Variants in SGCD observed in about 807,000 individuals in gnomAD.
SGCD encodes sarcoglycan delta.
A neutral mutation model predicts 36.6 loss-of-function variants in SGCD; 18 were observed. That is an observed-to-expected ratio of 0.49 (90% CI 0.34 to 0.73). The LOEUF (loss-of-function observed/expected upper bound fraction) is 0.73. Ranked by LOEUF, SGCD falls within the 30% of genes least tolerant of loss-of-function variation. The pLI is 0.01. For synonymous variants in SGCD, 133 were observed against 130.6 expected (o/e 1.02, Z -0.12); for missense variants, 387 against 346.7 (o/e 1.12, Z -0.92).
At chr5:156,630,234 CTG>C (rs1762582808) in intron 6 of SGCD, among the ~76,000 whole-genome samples, 2 of 152,244 alleles carry the variant, frequency 1.3e-5, no homozygotes, top group South Asian at 4.1e-4. Context: ...GAAATCTAAA[CTG>C]TGAGAGGTAT....
At chr5:156,254,341 A>G (rs1156755597) in intron 3 of SGCD, among the ~76,000 whole-genome samples, 2 of 152,200 alleles carry the variant, frequency 1.3e-5, no homozygotes, top group Non-Finnish European at 1.5e-5. Context: ...GTCATTTAAC[A>G]TTAGGTATAT....
At chr5:155,999,894 G>T (rs1452065915) in intron 1 of SGCD, among the ~76,000 whole-genome samples, 1 of 152,164 alleles carries the variant, frequency 6.6e-6, no homozygotes. Context: ...TGAGGCAAAA[G>T]TACAAATGGA....
At chr5:156,383,591 T>C (rs571270530) in intron 3 of SGCD, among the ~76,000 whole-genome samples, 1 of 152,252 alleles carries the variant, frequency 6.6e-6, no homozygotes, top group Non-Finnish European at 1.5e-5. Flanking sequence ...CTGGTCACTG[T>C]GGAGCCTGGG....
intron 1 of SGCD, among the ~76,000 whole-genome samples, chr5:156,013,400 T>A (rs1561682497): frequency 2.0e-5 from 3 of 152,148 alleles, no homozygotes; most frequent in South Asian, 4.1e-4. Context: ...GAGTAGAAAA[T>A]TTTGAAGCTC....
intron 4 of SGCD, among the ~76,000 whole-genome samples, chr5:156,540,444 G>A (rs1405742472): frequency 1.3e-5 from 2 of 151,838 alleles, no homozygotes; most frequent in South Asian, 4.2e-4. Context: ...GGCAATGCTG[G>A]GAACTAACAA....
intron 3 of SGCD, among the ~76,000 whole-genome samples, chr5:156,253,713 T>C (rs1412788482): frequency 1.3e-5 from 2 of 152,200 alleles, no homozygotes; most frequent in African/African-American, 2.4e-5. Flanking sequence ...AAACTAAAGA[T>C]GAAGTCAGTT....
At chr5:155,778,471 T>C in the SGCD span, among the ~76,000 whole-genome samples, 1 of 152,078 alleles carries the variant, frequency 6.6e-6, no homozygotes, top group Non-Finnish European at 1.5e-5. Flanking sequence ...GCCACTTTTG[T>C]CCCCCCATAC....
intron 3 of SGCD, among the ~76,000 whole-genome samples, chr5:156,375,349 G>C (rs958403997): frequency 6.7e-6 from 1 of 148,946 alleles, no homozygotes; most frequent in Non-Finnish European, 1.5e-5. Context: ...CTGATCCACA[G>C]TCCATTTTCA....
chr5:156,040,814 C>G (rs937131129), intron 1 of SGCD, among the ~76,000 whole-genome samples: 1 of 152,110 alleles, frequency 6.6e-6, no homozygotes, highest in African/African-American at 2.4e-5. Context: ...TATTTTAGGG[C>G]TTTGAAAATC....
chr5:156,209,500 C>A (rs1561566231), intron 3 of SGCD, among the ~76,000 whole-genome samples: 1 of 152,246 alleles, frequency 6.6e-6, no homozygotes, highest in South Asian at 2.1e-4. Context: ...GACACAGGCA[C>A]AAGGCCTGCC....
chr5:156,669,765 T>A (rs903336802), intron 7 of SGCD, among the ~76,000 whole-genome samples: 1 of 152,334 alleles, frequency 6.6e-6, no homozygotes, highest in South Asian at 2.1e-4. Context: ...CACCTGCTAT[T>A]CATGATTTCC....
intron 4 of SGCD, among the ~76,000 whole-genome samples, chr5:156,571,356 T>C (rs1263212349): frequency 6.6e-6 from 1 of 152,132 alleles, no homozygotes; most frequent in Non-Finnish European, 1.5e-5. Context: ...CCTTCTTTTC[T>C]CCTTTTTAAA....
At chr5:156,005,220 T>G (rs1758732711) in intron 1 of SGCD, among the ~76,000 whole-genome samples, 1 of 152,132 alleles carries the variant, frequency 6.6e-6, no homozygotes, top group Non-Finnish European at 1.5e-5. Context: ...ATCCCGATAC[T>G]CTCTTGGCAG....
At chr5:155,820,852 G>C in the SGCD span, among the ~76,000 whole-genome samples, 8,140 of 152,030 alleles carry the variant, frequency 0.054, 496 homozygotes, top group African/African-American at 0.15. Flanking sequence ...GCAAGTATTT[G>C]AACAGTCAAG....
At chr5:156,004,899 G>A (rs1758727675) in intron 1 of SGCD, among the ~76,000 whole-genome samples, 2 of 152,188 alleles carry the variant, frequency 1.3e-5, no homozygotes, top group Admixed American at 1.3e-4. Flanking sequence ...GAGGGCAACA[G>A]TGGCACAGAC....
rs190294325 is a variant in SGCD at position 156,576,793 on chromosome 5, T to C, written c.295-12438T>C. On this transcript the variant is annotated intron_variant, in intron 4 of 8. Transcript: ENST00000337851. ...GGTTTTTTTTTCTTGTAAATGTAAG[T>C]TCTTTGTACATTCTGGATATTAGCC... Among the ~76,000 whole-genome samples, 329 of 152,256 alleles carry C rather than the reference T, an allele frequency of 2.2e-3. 1 individual carries two copies. The highest frequency in any genetic ancestry group is 7.4e-3 in the African/African-American group (309 of 41,552).
intron 1 of SGCD, among the ~76,000 whole-genome samples, chr5:155,994,765 C>T (rs956713842): frequency 6.6e-6 from 1 of 152,132 alleles, no homozygotes; most frequent in African/African-American, 2.4e-5. Context: ...TGTCAAGGGT[C>T]TTTTGGTCTG....
chr5:156,474,431 G>A (rs1254088583), intron 3 of SGCD, among the ~76,000 whole-genome samples: 2 of 152,148 alleles, frequency 1.3e-5, no homozygotes, highest in African/African-American at 4.8e-5. Context: ...CTCCTTTCCT[G>A]TAGGTAGCTT....
At chr5:156,133,391 A>G (rs1762373824) in intron 3 of SGCD, among the ~76,000 whole-genome samples, 1 of 152,152 alleles carries the variant, frequency 6.6e-6, no homozygotes, top group Non-Finnish European at 1.5e-5. Context: ...TCATTTTTTC[A>G]CTTATATATT....
Sources: allele counts gnomAD v4.1 joint callset (sites outside exome capture counted in the v4.1 genomes callset), GRCh38; gene constraint gnomAD v4.1.1; transcripts MANE v1.5; gene names NCBI Gene and HGNC (gene_info 2026-07-23, HGNC 2026-07-21).